HIVEP1: variants seen among roughly 807,000 people sequenced by gnomAD.
HIVEP1 encodes the protein HIVEP zinc finger 1, also known as zinc finger protein 40.
A neutral mutation model predicts 180.0 loss-of-function variants in HIVEP1; 36 were observed. That is an observed-to-expected ratio of 0.20 (90% confidence interval 0.15 to 0.26). The LOEUF is 0.26. Among genes scored for constraint, HIVEP1 ranks in the 10% least tolerant of loss-of-function variants. HIVEP1 has a pLI of 1.00. For missense variants in HIVEP1, 3,143 were observed against 3,268.7 expected, an observed-to-expected ratio of 0.96 and a Z score of 0.94; for synonymous variants, 1,239 against 1,239.0, an observed-to-expected ratio of 1.00 and a Z score of 0.00.
downstream of HIVEP1, among the ~76,000 whole-genome samples, chr6:12,168,189 T>G (rs1760793303): frequency 1.8e-5 from 1 of 56,814 alleles, no homozygotes; most frequent in Admixed American, 3.1e-4. Flanking sequence ...TATATAGATA[T>G]ACGTGTATAT....
Position 12,129,782 on chromosome 6 carries a change from C to T in HIVEP1, c.6099C>T (p.Ser2033=), listed in dbSNP as rs774468664. Residue 2033 remains serine, a synonymous_variant, in exon 5 of 9, where the codon TCC becomes TCT. Transcript: ENST00000379388. ...LSKRALGNQK[S]TVVEFSNKDA... ...AGAGAGCATTAGGTAATCAAAAGTC[C>T]ACAGTAGTTGAATTCAGCAATAAAG... 3 of 1,604,156 alleles carry T rather than the reference C, an allele frequency of 1.9e-6. No homozygotes were observed. The highest frequency in any genetic ancestry group is 1.7e-6 in the Non-Finnish European group (2 of 1,171,352).
downstream of HIVEP1, among the ~76,000 whole-genome samples, chr6:12,166,597 T>G (rs1416783018): frequency 6.6e-6 from 1 of 152,236 alleles, no homozygotes; most frequent in Non-Finnish European, 1.5e-5. Context: ...AGCCATTATA[T>G]TTTGAAATTA....
chr6:12,163,356 T>G lies in HIVEP1; in HGVS notation c.7052T>G (p.Val2351Gly), dbSNP rs750033705. Residue 2351 changes from valine (V) to glycine (G), a missense_variant, in exon 9 of 9, where the codon GTG (valine) becomes GGG (glycine). Physicochemically the swap from Val to Gly is moderately radical, Grantham distance 109. Coordinates refer to ENST00000379388, the MANE Select transcript of HIVEP1 (RefSeq NM_002114.4). The part of the protein sequence containing the change: ...SPQTAAGMPS[V>G]ASPHPDPQEQ... Reference sequence around the variant, plus strand: ...CAGACAGCAGCGGGGATGCCTTCTGTGGCCTCACCACATCCTGACCCTCAA... The same window carrying G: ...CAGACAGCAGCGGGGATGCCTTCTGGGGCCTCACCACATCCTGACCCTCAA... 6.2e-6 allele frequency: 10 copies of G among 1,614,094 alleles called. No homozygotes were observed. The African/African-American group carries it at 1.3e-4, about 22-fold the overall frequency.
chr6:12,128,908 G>A (rs908857828), intron 4 of HIVEP1, among the ~76,000 whole-genome samples: 2 of 152,140 alleles, frequency 1.3e-5, no homozygotes, highest in African/African-American at 4.8e-5. Flanking sequence ...CTTTTGAGAA[G>A]ATAGAAAGAA....
At chr6:12,073,380 G>A (rs1484785072) in intron 2 of HIVEP1, among the ~76,000 whole-genome samples, 1 of 152,098 alleles carries the variant, frequency 6.6e-6, no homozygotes, top group Non-Finnish European at 1.5e-5. Context: ...AGGATTTGAG[G>A]GTTTGTTATT....
intron 7 of HIVEP1, among the ~76,000 whole-genome samples, chr6:12,155,313 A>T (rs1209612392): frequency 6.6e-6 from 1 of 152,212 alleles, no homozygotes; most frequent in African/African-American, 2.4e-5. Flanking sequence ...TTTGTCGCAC[A>T]GGTAAACGTG....
Position 12,121,488 on chromosome 6 carries a change from G to T in HIVEP1, c.1693G>T (p.Val565Phe), listed in dbSNP as rs977046528. 1 of 1,614,036 alleles carries T rather than the reference G, an allele frequency of 6.2e-7. No individual in the cohort carries two copies. The highest frequency in any genetic ancestry group is 8.5e-7 in the Non-Finnish European group (1 of 1,180,036). Reference sequence around the variant, plus strand: ...TGTGACAGAGTTACCGAAAGTTGTGGTCCACCATGTCACTGTGTCCCCCTT... The same window carrying T: ...TGTGACAGAGTTACCGAAAGTTGTGTTCCACCATGTCACTGTGTCCCCCTT... Reference protein sequence around the residue: ...QAVTELPKVVVHHVTVSPLRT... With the variant: ...QAVTELPKVVFHHVTVSPLRT... Residue 565 changes from valine to phenylalanine, a missense_variant, in exon 4 of 9, where the codon GTC becomes TTC. This residue lies in a region of HIVEP1 where 365 missense variants were observed against 344.4 expected (regional missense o/e 1.06). Transcript: ENST00000379388. The surrounding 1 kb of genome is among the most constrained non-coding windows in gnomAD (Gnocchi z 5.3).
chr6:12,080,253 G>A (rs771431761), intron 2 of HIVEP1, among the ~76,000 whole-genome samples: 10 of 152,066 alleles, frequency 6.6e-5, no homozygotes, highest in African/African-American at 1.2e-4. Context: ...TGAGGTTTTC[G>A]GAAGGAGACT....
At chr6:12,165,236 AT>A (rs1760670038), downstream of HIVEP1, 1 of 420,862 alleles carries the variant, frequency 2.4e-6, no homozygotes, top group African/African-American at 2.1e-5. Flanking sequence ...GACTAAATAT[AT>A]AAGAATACTT....
At chr6:12,155,327 C>T (rs530785600) in intron 7 of HIVEP1, among the ~76,000 whole-genome samples, 23 of 152,168 alleles carry the variant, frequency 1.5e-4, no homozygotes, top group African/African-American at 5.5e-4. Context: ...AAACGTGTGC[C>T]ATGGTGGCTT....
chr6:12,016,718 T>G (rs1302438479), intron 2 of HIVEP1, among the ~76,000 whole-genome samples: 1 of 152,150 alleles, frequency 6.6e-6, no homozygotes, highest in East Asian at 1.9e-4. Context: ...GAGGTGGAGA[T>G]TTACATGAGA....
chr6:12,133,934 C>T (rs189160436), intron 6 of HIVEP1, among the ~76,000 whole-genome samples: 462 of 151,148 alleles, frequency 3.1e-3, no homozygotes, highest in African/African-American at 0.011. Context: ...GCTGAGATCT[C>T]GCCACTGCAC....
chr6:12,055,101 T>TG (rs1362259791), intron 2 of HIVEP1, among the ~76,000 whole-genome samples: 1 of 152,222 alleles, frequency 6.6e-6, no homozygotes, highest in Non-Finnish European at 1.5e-5. Flanking sequence ...GAATTATACT[T>TG]GCAATAAACA....
At position 12,123,377 on chromosome 6, in the gene HIVEP1, C is replaced by T; in HGVS notation, c.3582C>T (p.His1194=). The stretch of plus-strand genomic sequence containing the variant: ...CTTCTCGGGACGGGTCTCATCCTCA[C>T]CAGCTTGCACTATCAGACGCTCTCA... ...SHPSRDGSHP[H]QLALSDALRG... The change falls in exon 4 of 9, where the codon CAC becomes CAT. Residue 1194 remains histidine (H), a synonymous_variant. Coordinates refer to ENST00000379388, the MANE Select transcript of HIVEP1 (RefSeq NM_002114.4). The T allele has an allele frequency of 1.2e-6, 2 of 1,614,196 alleles. No individual in the cohort carries two copies. Among genetic ancestry groups the T allele is most frequent in the South Asian group, 2.2e-5 (2 of 91,086 alleles).
the HIVEP1 span, among the ~76,000 whole-genome samples, chr6:12,211,412 AAAG>A: frequency 0.32 from 25,840 of 81,696 alleles, 3,913 homozygotes; most frequent in East Asian, 0.46. Context: ...AAAAAAAAAA[AAAG>A]AAAAAGAAAA....
downstream of HIVEP1, among the ~76,000 whole-genome samples, chr6:12,168,252 A>G (rs1450056425): frequency 1.6e-5 from 1 of 61,212 alleles, no homozygotes; most frequent in Non-Finnish European, 3.3e-5. Context: ...ATATATACAG[A>G]TATACGTGTA....
chr6:12,145,917 T>C (rs1759350119), intron 7 of HIVEP1, among the ~76,000 whole-genome samples: 1 of 152,158 alleles, frequency 6.6e-6, no homozygotes, highest in Non-Finnish European at 1.5e-5. Flanking sequence ...CTAAAATCTG[T>C]AGTCCTGCAG....
intron 5 of HIVEP1, among the ~76,000 whole-genome samples, 161 bp downstream of exon 5, chr6:12,130,053 T>G (rs1196098823): frequency 6.6e-6 from 1 of 152,222 alleles, no homozygotes; most frequent in Non-Finnish European, 1.5e-5. Context: ...TAACATTATG[T>G]TAAATCATTT....
At chr6:12,199,843 C>T in the HIVEP1 span, among the ~76,000 whole-genome samples, 1 of 152,138 alleles carries the variant, frequency 6.6e-6, no homozygotes, top group Non-Finnish European at 1.5e-5. Flanking sequence ...CTTTGCTTAC[C>T]TAAATCAGGG....
Sources: allele counts gnomAD v4.1 joint callset (sites outside exome capture counted in the v4.1 genomes callset), GRCh38; gene constraint gnomAD v4.1.1; regional missense constraint gnomAD v4.1.1; non-coding constraint Gnocchi (gnomAD v3.1); transcripts MANE v1.5; gene names NCBI Gene and HGNC (gene_info 2026-07-23, HGNC 2026-07-21).